Variants in LARP4B observed in about 807,000 individuals in gnomAD.
LARP4B encodes La ribonucleoprotein 4B, also known as la-related protein 4B.
Under a neutral mutation model 89.8 loss-of-function variants are expected in LARP4B, and 12 were observed. That is an observed-to-expected ratio of 0.13 (90% CI 0.09 to 0.22). The LOEUF (loss-of-function observed/expected upper bound fraction) is 0.22, where lower values mean the gene tolerates loss of function less well. Ranked by LOEUF, LARP4B falls within the 10% of genes least tolerant of loss-of-function variation. The pLI, the probability that LARP4B is intolerant of heterozygous loss-of-function variation, is 1.00. For missense variants in LARP4B, 757 were observed against 947.7 expected, an observed-to-expected ratio of 0.80 and a Z score of 2.64; for synonymous variants, 367 against 363.3, an observed-to-expected ratio of 1.01 and a Z score of -0.12.
intron 5 of LARP4B, among the ~76,000 whole-genome samples, chr10:856,244 C>T (rs529784495): frequency 2.6e-5 from 4 of 152,190 alleles, no homozygotes; most frequent in Admixed American, 2.6e-4. Context: ...GGACTTATAT[C>T]CAAAACATAT....
At chr10:882,328 A>C (rs1370910784) in intron 3 of LARP4B, among the ~76,000 whole-genome samples, 1 of 152,080 alleles carries the variant, frequency 6.6e-6, no homozygotes, top group East Asian at 1.9e-4. Context: ...CACAAATTTG[A>C]GTAATTCTGA....
At chr10:897,136 A>G (rs1836210614) in intron 1 of LARP4B, among the ~76,000 whole-genome samples, 1 of 152,176 alleles carries the variant, frequency 6.6e-6, no homozygotes, top group Non-Finnish European at 1.5e-5. Context: ...TCTTACTACA[A>G]AGCTACAGTA....
intron 15 of LARP4B, chr10:815,824 C>T (rs1409736052): frequency 1.3e-5 from 2 of 152,260 alleles, no homozygotes; most frequent in Non-Finnish European, 2.9e-5. Context: ...GACCTAGAGC[C>T]CTTCCAGCTG....
At chr10:970,438 C>T in the LARP4B span, among the ~76,000 whole-genome samples, 1 of 152,172 alleles carries the variant, frequency 6.6e-6, no homozygotes, top group East Asian at 1.9e-4. Flanking sequence ...CCTCCCAAAT[C>T]TGGGGTTCTG....
the LARP4B span, among the ~76,000 whole-genome samples, chr10:940,481 G>A: frequency 3.9e-5 from 6 of 152,198 alleles, no homozygotes; most frequent in East Asian, 1.9e-4. Flanking sequence ...TAGAAACAGC[G>A]TTTTGCCATG....
the LARP4B span, among the ~76,000 whole-genome samples, chr10:940,576 T>C: frequency 6.6e-6 from 1 of 152,344 alleles, no homozygotes; most frequent in Admixed American, 6.5e-5. Flanking sequence ...GAAGTGGGCA[T>C]GAAGAGCCCA....
intron 1 of LARP4B, among the ~76,000 whole-genome samples, chr10:906,503 G>A (rs117057090): frequency 0.019 from 2,850 of 152,334 alleles, 43 homozygotes; most frequent in South Asian, 0.065. Flanking sequence ...GCAACCCACA[G>A]GTATGCATGG....
intron 3 of LARP4B, among the ~76,000 whole-genome samples, chr10:867,503 C>T (rs988398174): frequency 1.3e-5 from 2 of 152,114 alleles, no homozygotes; most frequent in Non-Finnish European, 1.5e-5. Context: ...TCTGAATCTC[C>T]TACTATTTCT....
chr10:873,930 G>T (rs148315890), intron 3 of LARP4B, among the ~76,000 whole-genome samples: 6 of 152,282 alleles, frequency 3.9e-5, no homozygotes, highest in African/African-American at 1.2e-4. Flanking sequence ...GGGAGGAAAA[G>T]ATTTAAAGAC....
chr10:873,362 C>T, intron 3 of LARP4B: 2 of 985,448 alleles, frequency 2.0e-6, no homozygotes, highest in Non-Finnish European at 2.4e-6. Context: ...CAATTCCAAA[C>T]AGGACCAGGA....
the LARP4B span, among the ~76,000 whole-genome samples, chr10:976,975 G>A: frequency 1.3e-4 from 20 of 152,206 alleles, 1 homozygote; most frequent in Middle Eastern, 3.4e-3. Context: ...GTGTGGACCC[G>A]GCCTAGTAGA....
At chr10:915,012 C>T (rs1836781594) in intron 1 of LARP4B, among the ~76,000 whole-genome samples, 1 of 152,140 alleles carries the variant, frequency 6.6e-6, no homozygotes, top group Admixed American at 6.5e-5. Flanking sequence ...AATGCAGGGC[C>T]AGAGTCTGGG....
At chr10:831,767 T>G (rs965816086) in intron 8 of LARP4B, among the ~76,000 whole-genome samples, 13 of 152,182 alleles carry the variant, frequency 8.5e-5, no homozygotes, top group African/African-American at 3.1e-4. Context: ...CCAGGTAACT[T>G]CACTGCATTT....
At chr10:831,442 C>T (rs1333615142) in intron 8 of LARP4B, among the ~76,000 whole-genome samples, 1 of 152,170 alleles carries the variant, frequency 6.6e-6, no homozygotes, top group Non-Finnish European at 1.5e-5. Context: ...AGCGTGAACA[C>T]GAGTGTGATC....
chr10:938,500 G>A, the LARP4B span, among the ~76,000 whole-genome samples: 7 of 152,056 alleles, frequency 4.6e-5, no homozygotes, highest in Non-Finnish European at 7.4e-5. Flanking sequence ...TGATCCGCCC[G>A]CCTCGGCCTC....
At chr10:925,523 C>T (rs1837112019) in intron 1 of LARP4B, among the ~76,000 whole-genome samples, 1 of 151,808 alleles carries the variant, frequency 6.6e-6, no homozygotes, top group Non-Finnish European at 1.5e-5. Context: ...TAAAAGGGGG[C>T]ATTTATTTTA....
chr10:858,401 A>G (rs996041522), intron 5 of LARP4B, among the ~76,000 whole-genome samples: 2 of 152,220 alleles, frequency 1.3e-5, no homozygotes, highest in African/African-American at 2.4e-5. Context: ...ATTAACTCAA[A>G]ATGATCAAAG....
chr10:844,724 G>C (rs1333672128), intron 6 of LARP4B, among the ~76,000 whole-genome samples: 2 of 152,036 alleles, frequency 1.3e-5, no homozygotes, highest in Non-Finnish European at 2.9e-5. Flanking sequence ...TGACTCGGCA[G>C]CACAGGGCGG....
chr10:914,582 G>A (rs931956527), intron 1 of LARP4B, among the ~76,000 whole-genome samples: 14 of 151,684 alleles, frequency 9.2e-5, no homozygotes, highest in Non-Finnish European at 1.9e-4. Context: ...GGATCATGAG[G>A]TCAGGAGTTC....
Sources: allele counts gnomAD v4.1 joint callset (sites outside exome capture counted in the v4.1 genomes callset), GRCh38; gene constraint gnomAD v4.1.1; transcripts MANE v1.5; gene names NCBI Gene and HGNC (gene_info 2026-07-23, HGNC 2026-07-21).